IQGAP2: variants seen among roughly 807,000 people sequenced by gnomAD.
IQGAP2 encodes ras GTPase-activating-like protein IQGAP2.
A neutral mutation model predicts 201.3 loss-of-function variants in IQGAP2; 173 were observed. The ratio of observed to expected loss-of-function variants is 0.86; its 90% CI spans 0.76 to 0.98. IQGAP2 has a LOEUF of 0.98. IQGAP2 is among the 50% of genes least tolerant of loss of function. The pLI is 0.00. For missense variants in IQGAP2, 1,687 were observed against 1,864.8 expected, an observed-to-expected ratio of 0.90 and a Z score of 1.76; for synonymous variants, 675 against 673.9, an observed-to-expected ratio of 1.00 and a Z score of -0.03.
rs35266891 is a variant in IQGAP2 at position 76,681,532 on chromosome 5, TAA to T, written c.3661-1571_3661-1570del. Among the ~76,000 whole-genome samples the T allele has an allele frequency of 4.1e-3, 578 of 141,892 alleles. 2 individuals are homozygous for T. The highest frequency in any genetic ancestry group is 0.014 in the African/African-American group (526 of 38,808). The allele number at this position is 141,892 out of a possible 152,430, so 93.1% of individuals were successfully genotyped here. A position where few individuals can be genotyped will look rare whatever the true frequency, so the allele number is the denominator to read the frequency against. ...CAGTAGGATGATTAATATCAAAATT[TAA>T]AAAAAAAAAAACAGAAAATAAGTGT... is the stretch of plus-strand genomic sequence containing the variant. On this transcript the variant is annotated intron_variant, in intron 28 of 35. Transcript: ENST00000274364.
Position 76,707,702 on chromosome 5 carries a change from T to A in IQGAP2, c.*389T>A, listed in dbSNP as rs1461646877. 1.3e-5 allele frequency: 2 copies of A among 159,206 alleles called. No individual in the cohort carries two copies. The highest frequency in any genetic ancestry group is 6.4e-5 in the Admixed American group (1 of 15,514). The allele number at this position is 159,206 out of a possible 1,614,324, so 9.9% of individuals were successfully genotyped here. ...ATAACGTAATTCTTCATAGTTTTTTTAATCTATGGATAAATGGAAACCTAA... is the reference window on the plus strand; with the variant it reads ...ATAACGTAATTCTTCATAGTTTTTTAAATCTATGGATAAATGGAAACCTAA... On this transcript the variant is annotated 3_prime_UTR_variant, in exon 36 of 36. Transcript: ENST00000274364.
At chr5:76,542,792 A>G (rs1182830220) in intron 2 of IQGAP2, among the ~76,000 whole-genome samples, 1 of 152,182 alleles carries the variant, frequency 6.6e-6, no homozygotes, top group Admixed American at 6.5e-5. Context: ...ACACCCTTTT[A>G]GCTCTGCCAC....
At chr5:76,609,204 A>C (rs1248121804) in intron 12 of IQGAP2, 2 of 1,535,940 alleles carry the variant, frequency 1.3e-6, no homozygotes, top group Non-Finnish European at 1.7e-6. Context: ...TTCTGTTAAG[A>C]CCATTTTTGG....
chr5:76,445,788 G>A (rs918007139), intron 1 of IQGAP2, among the ~76,000 whole-genome samples: 2 of 152,098 alleles, frequency 1.3e-5, no homozygotes, highest in Non-Finnish European at 2.9e-5. Flanking sequence ...TTAAGTGTAC[G>A]TCTCTGTGGC....
At chr5:76,493,909 C>T (rs561937629) in intron 2 of IQGAP2, among the ~76,000 whole-genome samples, 9 of 152,290 alleles carry the variant, frequency 5.9e-5, no homozygotes, top group Admixed American at 1.3e-4. Context: ...TTGGTATCCT[C>T]GGGGAATTGG....
chr5:76,706,033 G>A (rs1201720007), intron 35 of IQGAP2, among the ~76,000 whole-genome samples: 1 of 152,174 alleles, frequency 6.6e-6, no homozygotes, highest in Non-Finnish European at 1.5e-5. Context: ...CTTGTTCTCA[G>A]TACAGAAACA....
intron 1 of IQGAP2, among the ~76,000 whole-genome samples, chr5:76,412,564 A>G (rs1751182638): frequency 6.6e-6 from 1 of 152,234 alleles, no homozygotes. Flanking sequence ...TCTCCAAATA[A>G]GTAGACTTGA....
At position 76,511,970 on chromosome 5, in the gene IQGAP2, G is replaced by T. The variant is rs572282033; in HGVS notation, c.146+50301G>T. ...GCTGGGATTACAGGCGTGAGCCACC[G>T]CGCCAGGCCTTAAATGAGTTTTATA... On this transcript the variant is annotated intron_variant, in intron 2 of 35. Coordinates refer to ENST00000274364, the MANE Select transcript of IQGAP2 (RefSeq NM_006633.5). 9.2e-5 allele frequency among the ~76,000 whole-genome samples: 14 copies of T among 152,242 alleles called. 1 individual carries two copies. In the South Asian group the frequency reaches 2.7e-3, roughly 29 times the overall value.
At chr5:76,447,902 A>G (rs1251084297) in intron 1 of IQGAP2, among the ~76,000 whole-genome samples, 2 of 152,216 alleles carry the variant, frequency 1.3e-5, no homozygotes, top group African/African-American at 4.8e-5. Context: ...ATGATACTTT[A>G]TGCTAATTGG....
In IQGAP2 at chr5:76,403,717, G is replaced by T. The variant is rs374375138; in HGVS notation, c.46+126G>T. On this transcript the variant is annotated intron_variant, in intron 1 of 35. Coordinates refer to ENST00000274364, the MANE Select transcript of IQGAP2 (RefSeq NM_006633.5). The surrounding 1 kb of genome is among the most constrained non-coding windows in gnomAD (Gnocchi z 4.8). The stretch of plus-strand genomic sequence containing the variant: ...GAAATTGGAAGGCAGCAACTGCGCG[G>T]CTGGCAAAGTTGGGAGCTGGAGTTG... 3.6e-5 allele frequency: 27 copies of T among 748,184 alleles called. No homozygotes were observed. The East Asian group carries it at 7.2e-4, about 20-fold the overall frequency. 46.3% of individuals were successfully genotyped at this position (748,184 alleles called of 1,614,324 possible).
At chr5:76,445,915 A>G (rs529632364) in intron 1 of IQGAP2, among the ~76,000 whole-genome samples, 1 of 152,134 alleles carries the variant, frequency 6.6e-6, no homozygotes, top group South Asian at 2.1e-4. Flanking sequence ...TACTCTTGGT[A>G]CCTCATATAG....
At chr5:76,438,014 T>C (rs1752802751) in intron 1 of IQGAP2, among the ~76,000 whole-genome samples, 2 of 51,578 alleles carry the variant, frequency 3.9e-5, no homozygotes, top group Middle Eastern at 9.4e-3. Context: ...TGTAGTTTTT[T>C]TTTTTTTTTT....
At chr5:76,503,174 C>CTTTTTTTTTTTTTTTT (rs11297908) in intron 2 of IQGAP2, among the ~76,000 whole-genome samples, 3 of 109,354 alleles carry the variant, frequency 2.7e-5, no homozygotes, top group African/African-American at 1.1e-4. Context: ...CTTTTCTTTT[C>CTTTTTTTTTTTTTTTT]TTTTTTTTTT....
At chr5:76,635,197 A>C (rs894073548) in intron 15 of IQGAP2, among the ~76,000 whole-genome samples, 4 of 152,232 alleles carry the variant, frequency 2.6e-5, no homozygotes, top group African/African-American at 9.6e-5. Context: ...AACTTAGTTT[A>C]TCTTCTCTCT....
intron 13 of IQGAP2, among the ~76,000 whole-genome samples, chr5:76,620,502 G>A (rs1749544658): frequency 6.6e-6 from 1 of 152,200 alleles, no homozygotes; most frequent in South Asian, 2.1e-4. Flanking sequence ...TCGGGGAGAA[G>A]CTACAATCTG....
intron 5 of IQGAP2, among the ~76,000 whole-genome samples, chr5:76,587,212 T>A (rs1353911001): frequency 1.3e-5 from 2 of 152,224 alleles, no homozygotes; most frequent in Non-Finnish European, 2.9e-5. Flanking sequence ...TTTTTAACCC[T>A]TTACTCATAA....
chr5:76,702,679 A>G, intron 35 of IQGAP2, 89 bp downstream of exon 35: 1 of 691,064 alleles, frequency 1.4e-6, no homozygotes, highest in Non-Finnish European at 2.6e-6. Context: ...CAGGACAACA[A>G]TAAAGTTTAA....
chr5:76,407,070 C>G (rs775480016), intron 1 of IQGAP2, among the ~76,000 whole-genome samples: 1 of 152,138 alleles, frequency 6.6e-6, no homozygotes, highest in Non-Finnish European at 1.5e-5. Flanking sequence ...CCTCAAACCT[C>G]CCAGCCTCAA....
intron 2 of IQGAP2, among the ~76,000 whole-genome samples, chr5:76,531,245 C>T (rs1759271522): frequency 6.6e-6 from 1 of 152,118 alleles, no homozygotes. Flanking sequence ...CCTACTCCTG[C>T]AAGCTTGCCT....
Sources: allele counts gnomAD v4.1 joint callset (sites outside exome capture counted in the v4.1 genomes callset), GRCh38; gene constraint gnomAD v4.1.1; non-coding constraint Gnocchi (gnomAD v3.1); transcripts MANE v1.5; gene names NCBI Gene and HGNC (gene_info 2026-07-23, HGNC 2026-07-21).